The following DMD variants were observed in gnomAD, a reference collection of about 807,000 sequenced individuals.
DMD encodes the protein dystrophin, also known as mutant dystrophin.
A neutral mutation model predicts 330.1 loss-of-function variants in DMD; 63 were observed. The observed-to-expected ratio is 0.19, with a 90% CI of 0.16 to 0.24. The LOEUF is 0.24. Ranked by LOEUF, DMD falls within the 10% of genes least tolerant of loss-of-function variation. The pLI is 1.00. For missense variants in DMD, 3,344 were observed against 2,684.1 expected (o/e 1.25, Z -5.43); for synonymous variants, 1,223 against 959.8 (o/e 1.27, Z -5.07).
intron 2 of DMD, among the ~76,000 whole-genome samples, chrX:33,007,063 TTAC>T (rs1335149283): frequency 9.0e-6 from 1 of 110,752 alleles, no homozygotes; most frequent in Non-Finnish European, 1.9e-5. Flanking sequence ...CCAGCCTTCA[TTAC>T]TACATTATCC....
At chrX:32,867,101 G>A (rs1396077658) in intron 2 of DMD, among the ~76,000 whole-genome samples, 1 of 109,748 alleles carries the variant, frequency 9.1e-6, no homozygotes, top group African/African-American at 3.3e-5. Flanking sequence ...TGTAGCCACT[G>A]TATTGTAAAT....
At chrX:32,878,596 A>T (rs1026871464) in intron 2 of DMD, among the ~76,000 whole-genome samples, 3 of 111,691 alleles carry the variant, frequency 2.7e-5, no homozygotes, top group Admixed American at 1.9e-4. Context: ...GAAAATCTCT[A>T]AAAAAGTTGT....
chrX:31,923,437 T>C (rs1048957075), intron 47 of DMD, among the ~76,000 whole-genome samples: 7 of 111,262 alleles, frequency 6.3e-5, no homozygotes, highest in Non-Finnish European at 1.1e-4. Flanking sequence ...TAGATAGCTC[T>C]TGAATAAATA....
At chrX:32,480,220 A>G (rs926855453) in intron 21 of DMD, among the ~76,000 whole-genome samples, 1 of 112,137 alleles carries the variant, frequency 8.9e-6, no homozygotes. Context: ...CACCTTACAC[A>G]TGTTAAAATT....
intron 59 of DMD, among the ~76,000 whole-genome samples, chrX:31,450,076 T>C (rs56156162): frequency 7.5e-4 from 83 of 110,462 alleles, no homozygotes; most frequent in African/African-American, 2.7e-3. Context: ...TGAATCCTTG[T>C]CAAACAAATG....
chrX:32,408,639 C>G (rs1437107889), intron 30 of DMD, among the ~76,000 whole-genome samples: 2 of 111,652 alleles, frequency 1.8e-5, no homozygotes, highest in Non-Finnish European at 3.8e-5. Flanking sequence ...AAAATCTGAG[C>G]AGGTATTTCA....
chrX:32,363,971 T>TA (rs1293223528), intron 36 of DMD, among the ~76,000 whole-genome samples: 3 of 111,906 alleles, frequency 2.7e-5, no homozygotes, highest in Non-Finnish European at 5.6e-5. Flanking sequence ...ATTTGCGTAT[T>TA]ACACCTCTCA....
intron 40 of DMD, chrX:32,342,922 A>G (rs999348869): frequency 6.4e-6 from 3 of 468,639 alleles, no homozygotes; most frequent in African/African-American, 2.4e-5. Context: ...ATCACTTTAC[A>G]TAGTCTAAAA....
At chrX:31,341,266 G>T (rs1418455584) in intron 61 of DMD, among the ~76,000 whole-genome samples, 3 of 112,053 alleles carry the variant, frequency 2.7e-5, no homozygotes, top group Non-Finnish European at 5.6e-5. Flanking sequence ...AAATAATACA[G>T]CCATATTTCA....
intron 44 of DMD, among the ~76,000 whole-genome samples, chrX:32,134,659 T>G (rs1056817311): frequency 2.1e-4 from 23 of 111,948 alleles, no homozygotes; most frequent in African/African-American, 6.5e-4. Context: ...TCAGTCTCCC[T>G]TTCCTTTTCT....
chrX:31,803,036 T>C (rs2092136041), intron 50 of DMD, among the ~76,000 whole-genome samples: 1 of 112,011 alleles, frequency 8.9e-6, no homozygotes, highest in East Asian at 2.8e-4. Context: ...CTTTTGTATG[T>C]TCCTGAGAAT....
chrX:32,192,816 C>A (rs2096981773), intron 44 of DMD, among the ~76,000 whole-genome samples: 1 of 111,670 alleles, frequency 9.0e-6, no homozygotes, highest in South Asian at 3.8e-4. Flanking sequence ...TAGATTTCAG[C>A]CATTAGCAAA....
intron 17 of DMD, among the ~76,000 whole-genome samples, chrX:32,521,106 C>A (rs1466219218): frequency 8.9e-6 from 1 of 111,789 alleles, no homozygotes. Flanking sequence ...TAAAGTCATT[C>A]CCACTACCTA....
At chrX:31,752,255 G>A (rs1238931405) in intron 51 of DMD, among the ~76,000 whole-genome samples, 2 of 111,635 alleles carry the variant, frequency 1.8e-5, no homozygotes, top group East Asian at 5.7e-4. Flanking sequence ...GGAGGAGTGG[G>A]CATTATTAAA....
chrX:32,340,517 T>C (rs982503825), intron 41 of DMD, among the ~76,000 whole-genome samples: 2 of 111,528 alleles, frequency 1.8e-5, no homozygotes, highest in African/African-American at 6.5e-5. Flanking sequence ...TGGAGATTTT[T>C]GATCCTGTGC....
chrX:32,206,229 C>CATTT, intron 44 of DMD: 1 of 514,531 alleles, frequency 1.9e-6, no homozygotes, highest in Middle Eastern at 5.6e-4. Flanking sequence ...GAGTGGACAG[C>CATTT]ATTTAGTAGC....
intron 50 of DMD, among the ~76,000 whole-genome samples, chrX:31,810,405 A>G (rs2092425812): frequency 8.9e-6 from 1 of 112,140 alleles, no homozygotes; most frequent in African/African-American, 3.2e-5. Context: ...CACTGTCGAA[A>G]TGTACAGTAA....
intron 7 of DMD, among the ~76,000 whole-genome samples, chrX:32,764,749 G>A (rs2072755819): frequency 9.0e-6 from 1 of 111,652 alleles, no homozygotes; most frequent in African/African-American, 3.3e-5. Flanking sequence ...ATAAACATGG[G>A]TGTACAAATA....
chrX:32,864,815 C>T (rs1242366616), intron 2 of DMD, among the ~76,000 whole-genome samples: 1 of 111,386 alleles, frequency 9.0e-6, no homozygotes, highest in African/African-American at 3.3e-5. Flanking sequence ...AAATATCATT[C>T]AACAAAAACT....
Sources: gnomAD v4.1 joint callset for allele counts (sites outside exome capture counted in the v4.1 genomes callset) on GRCh38, gnomAD v4.1.1 for gene constraint, MANE v1.5 for transcripts, NCBI Gene and HGNC (gene_info 2026-07-23, HGNC 2026-07-21) for gene names.